Variants in MMP16 observed in about 807,000 individuals in gnomAD.
MMP16 encodes matrix metalloproteinase-16.
MMP16 carries 12 observed loss-of-function variants against 67.8 expected under a neutral mutation model. The observed-to-expected ratio is 0.18, with a 90% CI of 0.11 to 0.29. The LOEUF (loss-of-function observed/expected upper bound fraction) is 0.29. Ranked by LOEUF, MMP16 falls within the 10% of genes least tolerant of loss-of-function variation. The pLI, the probability that MMP16 is intolerant of heterozygous loss-of-function variation, is 1.00. For synonymous variants in MMP16, 249 were observed against 255.9 expected, an observed-to-expected ratio of 0.97 and a Z score of 0.26; for missense variants, 475 against 765.7, an observed-to-expected ratio of 0.62 and a Z score of 4.48.
intron 1 of MMP16, among the ~76,000 whole-genome samples, chr8:88,290,547 C>T (rs924010416): frequency 4.6e-5 from 7 of 150,698 alleles, no homozygotes; most frequent in South Asian, 2.1e-4. Flanking sequence ...AGTGAGACTC[C>T]GTCTCAAAAA....
At chr8:88,222,707 A>G (rs1809704429) in intron 1 of MMP16, among the ~76,000 whole-genome samples, 1 of 152,228 alleles carries the variant, frequency 6.6e-6, no homozygotes. Flanking sequence ...AGATGGATTA[A>G]AGACTTAAAT....
chr8:88,074,765 C>T lies in MMP16; in HGVS notation c.1084-22G>A, dbSNP rs771488441. 5.0e-6 allele frequency: 8 copies of T among 1,608,556 alleles called. No individual in the cohort carries two copies. In the African/African-American group the frequency reaches 9.4e-5, roughly 19 times the overall value. On this transcript the variant is annotated intron_variant, in intron 6 of 9. Transcript: ENST00000286614. ...GGTCCTGCAAACCAAGCAAAGGCAT[C>T]TCTCAACAAACACGTAGGCCTCCCT...
chr8:88,145,134 G>A (rs1808270189), intron 4 of MMP16, among the ~76,000 whole-genome samples: 1 of 151,902 alleles, frequency 6.6e-6, no homozygotes, highest in Admixed American at 6.6e-5. Context: ...TCCAAGAAAT[G>A]TATTAGGTGA....
chr8:88,182,374 T>C (rs1808994611), intron 3 of MMP16, among the ~76,000 whole-genome samples: 1 of 152,044 alleles, frequency 6.6e-6, no homozygotes, highest in South Asian at 2.1e-4. Flanking sequence ...TAAATAAGCA[T>C]ATGAAAAGTT....
intron 1 of MMP16, among the ~76,000 whole-genome samples, chr8:88,309,215 CA>C (rs1311165738): frequency 6.6e-6 from 1 of 151,894 alleles, no homozygotes; most frequent in African/African-American, 2.4e-5. Context: ...ATTATAGAAA[CA>C]ACTTTTAAAA....
At chr8:88,123,978 C>T (rs1807884493) in intron 4 of MMP16, among the ~76,000 whole-genome samples, 1 of 151,866 alleles carries the variant, frequency 6.6e-6, no homozygotes. Context: ...TCCCTCAGTC[C>T]TTTCTCTAAA....
chr8:88,151,549 A>T (rs1808408023), intron 4 of MMP16, among the ~76,000 whole-genome samples: 3 of 143,984 alleles, frequency 2.1e-5, no homozygotes, highest in Non-Finnish European at 4.6e-5. Flanking sequence ...AGAACTCAGG[A>T]TTAAGAATCT....
At chr8:88,142,254 T>C (rs1320808449) in intron 4 of MMP16, among the ~76,000 whole-genome samples, 1 of 152,094 alleles carries the variant, frequency 6.6e-6, no homozygotes, top group Non-Finnish European at 1.5e-5. Context: ...AAATTAGAGA[T>C]AACCTGAATT....
At chr8:88,047,526 A>G (rs1808213879) in intron 8 of MMP16, among the ~76,000 whole-genome samples, 1 of 152,168 alleles carries the variant, frequency 6.6e-6, no homozygotes, top group African/African-American at 2.4e-5. Context: ...GAGCAGAGAA[A>G]AGTGAGGAGC....
At chr8:88,089,154 T>C (rs1808891798) in intron 6 of MMP16, among the ~76,000 whole-genome samples, 1 of 151,992 alleles carries the variant, frequency 6.6e-6, no homozygotes, top group Non-Finnish European at 1.5e-5. Flanking sequence ...AGATGATATG[T>C]CTCTTTCACT....
intron 7 of MMP16, among the ~76,000 whole-genome samples, chr8:88,065,746 A>G (rs1230619070): frequency 2.0e-5 from 3 of 152,132 alleles, no homozygotes. Flanking sequence ...GAACTTCATG[A>G]ATACTCCCTA....
intron 6 of MMP16, among the ~76,000 whole-genome samples, chr8:88,109,738 A>G (rs1457773968): frequency 6.6e-6 from 1 of 151,310 alleles, no homozygotes; most frequent in Non-Finnish European, 1.5e-5. Flanking sequence ...TGAAGTATGA[A>G]TTGTGAATAT....
rs575392885 is a variant in MMP16 at position 88,053,031 on chromosome 8, C to T, written c.1373+3097G>A. On this transcript the variant is annotated intron_variant, in intron 8 of 9. Transcript: ENST00000286614. Reference sequence around the variant, plus strand: ...TGTGGTCTTTCTACTACTCCATCTTCATTACCTAGCACATGTCACATACTT... The same window carrying T: ...TGTGGTCTTTCTACTACTCCATCTTTATTACCTAGCACATGTCACATACTT... 9.8e-5 allele frequency among the ~76,000 whole-genome samples: 15 copies of T among 152,340 alleles called. 1 individual carries two copies. The South Asian group carries it at 2.9e-3, about 29-fold the overall frequency.
chr8:88,176,850 G>T (rs1218657371), intron 3 of MMP16, among the ~76,000 whole-genome samples: 1 of 152,080 alleles, frequency 6.6e-6, no homozygotes, highest in East Asian at 1.9e-4. Flanking sequence ...CATATCTTGT[G>T]GGTGGGAACA....
intron 6 of MMP16, among the ~76,000 whole-genome samples, chr8:88,098,386 A>G (rs930867346): frequency 2.6e-5 from 4 of 152,000 alleles, no homozygotes; most frequent in African/African-American, 7.2e-5. Flanking sequence ...GTCTAGGTCT[A>G]CTTATACCAT....
chr8:88,289,054 G>A (rs1313942738), intron 1 of MMP16, among the ~76,000 whole-genome samples: 2 of 152,156 alleles, frequency 1.3e-5, no homozygotes, highest in Non-Finnish European at 2.9e-5. Context: ...TTGACCCCAA[G>A]TATGGGTTAG....
intron 2 of MMP16, among the ~76,000 whole-genome samples, chr8:88,188,897 T>G (rs1369532227): frequency 1.3e-5 from 2 of 152,148 alleles, no homozygotes; most frequent in Non-Finnish European, 1.5e-5. Flanking sequence ...TCAGGTGATC[T>G]GCTTGCCTCG....
At chr8:88,199,474 C>T (rs1809306805) in intron 1 of MMP16, among the ~76,000 whole-genome samples, 1 of 151,916 alleles carries the variant, frequency 6.6e-6, no homozygotes, top group African/African-American at 2.4e-5. Flanking sequence ...ATTTTATGGT[C>T]AAGGTTTGTT....
At chr8:88,220,907 C>G (rs915050267) in intron 1 of MMP16, among the ~76,000 whole-genome samples, 1 of 152,084 alleles carries the variant, frequency 6.6e-6, no homozygotes, top group Non-Finnish European at 1.5e-5. Flanking sequence ...TGAAACCCTA[C>G]TAAATTAGAA....
Sources: gnomAD v4.1 joint callset for allele counts (sites outside exome capture counted in the v4.1 genomes callset) on GRCh38, gnomAD v4.1.1 for gene constraint, MANE v1.5 for transcripts, NCBI Gene and HGNC (gene_info 2026-07-23, HGNC 2026-07-21) for gene names.